The following PLAGL1 variants were observed in gnomAD, a reference collection of about 807,000 sequenced individuals.
PLAGL1 encodes PLAG1 like zinc finger 1.
In PLAGL1, 1 loss-of-function variant was observed where a neutral mutation model predicts 4.6. The ratio of observed to expected loss-of-function variants is 0.22; its 90% CI spans 0.08 to 1.03. PLAGL1 has a LOEUF of 1.03. PLAGL1 is among the 50% of genes least tolerant of loss of function. The pLI is 0.58. For missense variants in PLAGL1, 464 were observed against 570.4 expected (o/e 0.81, Z 1.90); for synonymous variants, 240 against 237.8 (o/e 1.01, Z -0.08).
Position 143,978,626 on chromosome 6 carries a change from A to G in PLAGL1, c.-544+6509T>C, listed in dbSNP as rs976472659. ...TGGAAGTGTGATGTTCAGTTACAAG[A>G]TATTTTTCCAGATTCCTTTCTAATT... On this transcript the variant is annotated intron_variant, in intron 2 of 7. Coordinates refer to ENST00000674357, the MANE Select transcript of PLAGL1 (RefSeq NM_001317162.2). This position sits in a 1 kb window ranked among gnomAD's most constrained non-coding sequence, Gnocchi z 4.6. Among the ~76,000 whole-genome samples, 1 of 152,168 alleles carries G rather than the reference A, an allele frequency of 6.6e-6. No homozygotes were observed. Among genetic ancestry groups the G allele is most frequent in the South Asian group, 2.1e-4 (1 of 4,826 alleles).
intron 1 of PLAGL1, among the ~76,000 whole-genome samples, chr6:144,049,311 T>G (rs1798410477): frequency 6.6e-6 from 1 of 152,254 alleles, no homozygotes; most frequent in Non-Finnish European, 1.5e-5. Context: ...AACCTCTGCC[T>G]GTTACCCAGT....
chr6:143,943,747 A>G (rs1438308386), intron 7 of PLAGL1, among the ~76,000 whole-genome samples: 2 of 152,226 alleles, frequency 1.3e-5, no homozygotes, highest in Non-Finnish European at 2.9e-5. Context: ...GTCTTCAACA[A>G]TGGCTTCAGG....
At chr6:144,024,349 C>A (rs1796189330) in intron 1 of PLAGL1, among the ~76,000 whole-genome samples, 1 of 152,134 alleles carries the variant, frequency 6.6e-6, no homozygotes, top group Non-Finnish European at 1.5e-5. Flanking sequence ...TGTGTCCCCA[C>A]CAAAATCTCA....
upstream of PLAGL1, among the ~76,000 whole-genome samples, chr6:144,012,243 C>A (rs1795238010): frequency 6.6e-6 from 1 of 152,102 alleles, no homozygotes; most frequent in South Asian, 2.1e-4. This position sits in a 1 kb window ranked among gnomAD's most constrained non-coding sequence, Gnocchi z 4.8. Context: ...GAGACAGAGT[C>A]TCGCTCTGTC....
chr6:143,989,936 G>A lies in PLAGL1; in HGVS notation c.-583-4762C>T, dbSNP rs1389527509. 1.3e-5 allele frequency among the ~76,000 whole-genome samples: 2 copies of A among 152,014 alleles called. No individual in the cohort carries two copies. The highest frequency in any genetic ancestry group is 2.9e-5 in the Non-Finnish European group (2 of 68,030). Reference sequence around the variant, plus strand: ...CTTCTGTGAGAAAACAAAAGCTGTTGGATAGGGCATCTCTGCCTTCTATCT... The same window carrying A: ...CTTCTGTGAGAAAACAAAAGCTGTTAGATAGGGCATCTCTGCCTTCTATCT... On this transcript the variant is annotated intron_variant, in intron 1 of 7. Transcript: ENST00000674357. The surrounding 1 kb of genome is among the most constrained non-coding windows in gnomAD (Gnocchi z 4.8).
chr6:143,945,079 A>T lies in PLAGL1; in HGVS notation c.153-2416T>A, dbSNP rs1324850440. Among the ~76,000 whole-genome samples the T allele has an allele frequency of 6.6e-6, 1 of 151,620 alleles. No homozygotes were observed. Among genetic ancestry groups the T allele is most frequent in the African/African-American group, 2.4e-5 (1 of 41,238 alleles). On this transcript the variant is annotated intron_variant, in intron 7 of 7. Transcript: ENST00000674357. The surrounding 1 kb of genome is among the most constrained non-coding windows in gnomAD (Gnocchi z 4.2). ...AGCTCCCACATTTCTGAATTTCTTG[A>T]CTCTTTCCCTTGCCTGGCATCTACT... is the stretch of plus-strand genomic sequence containing the variant.
Position 143,949,136 on chromosome 6 carries a change from A to T in PLAGL1, c.-324-676T>A. On this transcript the variant is annotated intron_variant, in intron 6 of 7. Coordinates refer to ENST00000674357, the MANE Select transcript of PLAGL1 (RefSeq NM_001317162.2). The surrounding 1 kb of genome is among the most constrained non-coding windows in gnomAD (Gnocchi z 5.3). The stretch of plus-strand genomic sequence containing the variant: ...GCACCATCCTCTAGTAAGTTCTACT[A>T]ATCTCTTCCTTTTTTGTTTATGGAC... Among the ~76,000 whole-genome samples the T allele has an allele frequency of 6.6e-6, 1 of 152,166 alleles. No homozygotes were observed. Among genetic ancestry groups the T allele is most frequent in the East Asian group, 1.9e-4 (1 of 5,182 alleles).
chr6:144,059,034 A>G lies in PLAGL1; in HGVS notation c.-151+5434T>C, dbSNP rs1799195320. On this transcript the variant is annotated intron_variant, in intron 1 of 3. Transcript: ENST00000437412. The surrounding 1 kb of genome is among the most constrained non-coding windows in gnomAD (Gnocchi z 4.9). ...GGCTCCAGCCCCACATTTTCCCTCT[A>G]CATTGCCCTACTAGAGTTTCTCTTC... 6.6e-6 allele frequency among the ~76,000 whole-genome samples: 1 copy of G among 152,140 alleles called. No homozygotes were observed. Among genetic ancestry groups the G allele is most frequent in the South Asian group, 2.1e-4 (1 of 4,828 alleles).
In PLAGL1 at chr6:144,045,431, C is replaced by A. The variant is rs1583862659; in HGVS notation, c.-151+19037G>T. On this transcript the variant is annotated intron_variant, in intron 1 of 3. Transcript: ENST00000437412. Reference sequence around the variant, plus strand: ...CTTGTCTGTAAAGGATTTTATTTCTCCTTCACTTATGAAGAAGCTTAGTTT... The same window carrying A: ...CTTGTCTGTAAAGGATTTTATTTCTACTTCACTTATGAAGAAGCTTAGTTT... Among the ~76,000 whole-genome samples the A allele has an allele frequency of 4.6e-5, 7 of 152,126 alleles. No individual in the cohort carries two copies. In the South Asian group the frequency reaches 1.0e-3, roughly 23 times the overall value.
Position 143,948,448 on chromosome 6 carries a change from TC to T in PLAGL1, c.-313del, listed in dbSNP as rs1430215212. ...CACTATAGCTGGGGCATGTCCTGGGTCCCCCGGATTGGCTGTGGAGAGAAGA... is the reference window on the plus strand; with the variant it reads ...CACTATAGCTGGGGCATGTCCTGGGTCCCCGGATTGGCTGTGGAGAGAAGA... On this transcript the variant is annotated 5_prime_UTR_variant, in exon 7 of 8. Transcript: ENST00000674357. This position sits in a 1 kb window ranked among gnomAD's most constrained non-coding sequence, Gnocchi z 6.0. 1 of 274,354 alleles carries T rather than the reference TC, an allele frequency of 3.6e-6. No individual in the cohort carries two copies. The highest frequency in any genetic ancestry group is 2.2e-5 in the African/African-American group (1 of 46,446). The allele number at this position is 274,354 out of a possible 1,614,324, so 17.0% of individuals were successfully genotyped here.
At position 143,990,688 on chromosome 6, in the gene PLAGL1, AGTAAAAACGTACCT is replaced by A. The variant is rs879548206; in HGVS notation, c.-583-5528_-583-5515del. Among the ~76,000 whole-genome samples the A allele has an allele frequency of 6.6e-6, 1 of 152,230 alleles. No individual in the cohort carries two copies. The highest frequency in any genetic ancestry group is 1.5e-5 in the Non-Finnish European group (1 of 68,046). ...TCAAGAGAGATTACTAGGTTGAGATAGTAAAAACGTACCTTCCCTTCAAGATATGCAAGAGCCCA... is the reference window on the plus strand; with the variant it reads ...TCAAGAGAGATTACTAGGTTGAGATATCCCTTCAAGATATGCAAGAGCCCA... On this transcript the variant is annotated intron_variant, in intron 1 of 7. Transcript: ENST00000674357. This position sits in a 1 kb window ranked among gnomAD's most constrained non-coding sequence, Gnocchi z 5.4.
In PLAGL1 at chr6:143,987,437, C is replaced by CTTTTTTTTTTTTTT. The variant is rs71024883; in HGVS notation, c.-583-2277_-583-2264dup. ...GATCTGGCATGTGCCACCACACTGGCTTTTTTTTTTTTTTTTTTTTTTTGG... is the reference window on the plus strand; with the variant it reads ...GATCTGGCATGTGCCACCACACTGGCTTTTTTTTTTTTTTTTTTTTTTTTTTTTTTTTTTTTTGG... On this transcript the variant is annotated intron_variant, in intron 1 of 7. Transcript: ENST00000674357. 1.1e-4 allele frequency among the ~76,000 whole-genome samples: 8 copies of CTTTTTTTTTTTTTT among 73,954 alleles called. 3 individuals are homozygous for CTTTTTTTTTTTTTT. The highest frequency in any genetic ancestry group is 1.7e-4 in the Non-Finnish European group (7 of 41,128). 48.5% of individuals were successfully genotyped at this position (73,954 alleles called of 152,430 possible). A position where few individuals can be genotyped will look rare whatever the true frequency, so the allele number is the denominator to read the frequency against.
intron 1 of PLAGL1, among the ~76,000 whole-genome samples, chr6:144,025,243 T>G (rs531864299): frequency 2.6e-4 from 40 of 152,250 alleles, no homozygotes; most frequent in Non-Finnish European, 4.9e-4. Context: ...TTCTACAAAA[T>G]ATTTGATCAC....
Position 144,061,877 on chromosome 6 carries a change from A to T in PLAGL1, c.-151+2591T>A, listed in dbSNP as rs1383760160. Among the ~76,000 whole-genome samples, 1 of 152,060 alleles carries T rather than the reference A, an allele frequency of 6.6e-6. No homozygotes were observed. Among genetic ancestry groups the T allele is most frequent in the Non-Finnish European group, 1.5e-5 (1 of 68,022 alleles). ...TCTGTTGTCATTCCAACCTTCTGTA[A>T]TTAACATGAGAACAAACCCCTACAA... On this transcript the variant is annotated intron_variant, in intron 1 of 3. Transcript: ENST00000437412. This position sits in a 1 kb window ranked among gnomAD's most constrained non-coding sequence, Gnocchi z 4.4.
Position 143,948,460 on chromosome 6 carries a change from G to A in PLAGL1, c.-324C>T. 4.0e-6 allele frequency: 1 copy of A among 250,442 alleles called. No individual in the cohort carries two copies. Among genetic ancestry groups the A allele is most frequent in the Non-Finnish European group, 7.9e-6 (1 of 127,250 alleles). 15.5% of individuals were successfully genotyped at this position (250,442 alleles called of 1,614,324 possible). A position where few individuals can be genotyped will look rare whatever the true frequency, so the allele number is the denominator to read the frequency against. On this transcript the variant is annotated splice_region_variant and 5_prime_UTR_variant, in exon 7 of 8. Coordinates refer to ENST00000674357, the MANE Select transcript of PLAGL1 (RefSeq NM_001317162.2). The surrounding 1 kb of genome is among the most constrained non-coding windows in gnomAD (Gnocchi z 6.0). Reference sequence around the variant, plus strand: ...GGCATGTCCTGGGTCCCCCGGATTGGCTGTGGAGAGAAGAGGAACAGTTTT... The same window carrying A: ...GGCATGTCCTGGGTCCCCCGGATTGACTGTGGAGAGAAGAGGAACAGTTTT...
rs1783024190 is a variant in PLAGL1, at chr6:143,959,989, C to T, written c.-325+480G>A. ...TTACAACAGCGTTTTCAAATAAAGC[C>T]TCAGGAAGTATGGCTGGATTGCCTC... On this transcript the variant is annotated intron_variant, in intron 6 of 7. Transcript: ENST00000674357. This position sits in a 1 kb window ranked among gnomAD's most constrained non-coding sequence, Gnocchi z 5.3. Among the ~76,000 whole-genome samples the T allele has an allele frequency of 6.6e-6, 1 of 152,212 alleles. No homozygotes were observed. Among genetic ancestry groups the T allele is most frequent in the African/African-American group, 2.4e-5 (1 of 41,454 alleles).
At chr6:144,032,749 A>T (rs1796925283) in intron 1 of PLAGL1, among the ~76,000 whole-genome samples, 1 of 151,842 alleles carries the variant, frequency 6.6e-6, no homozygotes, top group Non-Finnish European at 1.5e-5. Flanking sequence ...TTTAGTAGAG[A>T]CAGGGTTTCA....
chr6:144,053,096 G>C lies in PLAGL1; in HGVS notation c.-151+11372C>G, dbSNP rs1798697222. 1.3e-5 allele frequency among the ~76,000 whole-genome samples: 2 copies of C among 152,078 alleles called. No homozygotes were observed. Among genetic ancestry groups the C allele is most frequent in the African/African-American group, 4.8e-5 (2 of 41,398 alleles). ...TTTAACTGATGCTCAACCATATTGG[G>C]TCATCCTTATCAGCTACAACCACAC... On this transcript the variant is annotated intron_variant, in intron 1 of 3. Transcript: ENST00000437412. The surrounding 1 kb of genome is among the most constrained non-coding windows in gnomAD (Gnocchi z 4.0).
In PLAGL1 at chr6:143,948,773, C is replaced by CAACAAT. The variant is rs1360746025; in HGVS notation, c.-324-314_-324-313insATTGTT. ...CATTGACCAAAGAGAAAAACAACAA[C>CAACAAT]AACAACAACAACAACAACAAACAAA... On this transcript the variant is annotated intron_variant, in intron 6 of 7. Transcript: ENST00000674357. This position sits in a 1 kb window ranked among gnomAD's most constrained non-coding sequence, Gnocchi z 6.0. 1.3e-5 allele frequency among the ~76,000 whole-genome samples: 2 copies of CAACAAT among 150,188 alleles called. No individual in the cohort carries two copies. Among genetic ancestry groups the CAACAAT allele is most frequent in the African/African-American group, 5.0e-5 (2 of 39,886 alleles).
Sources: allele counts gnomAD v4.1 joint callset (sites outside exome capture counted in the v4.1 genomes callset), GRCh38; gene constraint gnomAD v4.1.1; non-coding constraint Gnocchi (gnomAD v3.1); transcripts MANE v1.5; gene names NCBI Gene and HGNC (gene_info 2026-07-23, HGNC 2026-07-21).